TBC1D4: variants seen among roughly 807,000 people sequenced by gnomAD.
The protein encoded by TBC1D4 is TBC (Tre-2, BUB2, CDC16) domain-containing protein.
TBC1D4 carries 121 observed loss-of-function variants against 142.5 expected under a neutral mutation model. The ratio of observed to expected loss-of-function variants is 0.85; its 90% CI spans 0.73 to 0.99. The LOEUF is 0.99. TBC1D4 is among the 50% of genes least tolerant of loss of function. TBC1D4 has a pLI of 0.00. For synonymous variants in TBC1D4, 630 were observed against 628.2 expected (o/e 1.00, Z -0.04); for missense variants, 1,475 against 1,606.6 (o/e 0.92, Z 1.40).
chr13:75,386,411 T>C (rs969814385), intron 1 of TBC1D4, among the ~76,000 whole-genome samples: 18 of 149,888 alleles, frequency 1.2e-4, no homozygotes, highest in Non-Finnish European at 2.2e-4. Flanking sequence ...TTTTTTCAGA[T>C]GGAGTCTCAC....
chr13:75,395,307 A>T lies in TBC1D4; in HGVS notation c.499-32700T>A, dbSNP rs1185853090. On this transcript the variant is annotated intron_variant, in intron 1 of 20. Transcript: ENST00000377636. ...GTGCCTCTTTCTGGTATATCTAAAC[A>T]GGAACAAACATGTACAAGACTCAGT... is the stretch of plus-strand genomic sequence containing the variant. Among the ~76,000 whole-genome samples the T allele has an allele frequency of 2.0e-5, 3 of 152,220 alleles. No individual in the cohort carries two copies. In the East Asian group the frequency reaches 5.8e-4, roughly 29 times the overall value.
chr13:75,334,460 TTG>T (rs1880027135), intron 8 of TBC1D4, among the ~76,000 whole-genome samples: 10 of 130,560 alleles, frequency 7.7e-5, no homozygotes, highest in Non-Finnish European at 1.8e-4. Context: ...TTCTATATGA[TTG>T]TATATATAAT....
chr13:75,409,651 A>C (rs1885508681), intron 1 of TBC1D4, among the ~76,000 whole-genome samples: 1 of 152,246 alleles, frequency 6.6e-6, no homozygotes, highest in Admixed American at 6.5e-5. Context: ...AAATACACGG[A>C]ATCTTAAATA....
At chr13:75,381,657 C>T (rs1883853307) in intron 1 of TBC1D4, among the ~76,000 whole-genome samples, 1 of 152,190 alleles carries the variant, frequency 6.6e-6, no homozygotes, top group East Asian at 1.9e-4. Context: ...CTGTGCCATC[C>T]ACAAACTACT....
intron 14 of TBC1D4, among the ~76,000 whole-genome samples, chr13:75,307,251 T>C (rs929757350): frequency 1.3e-5 from 2 of 152,192 alleles, no homozygotes; most frequent in Non-Finnish European, 2.9e-5. Context: ...TGTGAGCCAC[T>C]GCACCCAGCC....
In TBC1D4 at chr13:75,292,078, A is replaced by T; in HGVS notation, c.3486+24T>A. 1.9e-6 allele frequency: 3 copies of T among 1,583,540 alleles called. No homozygotes were observed. The African/African-American group carries it at 4.0e-5, about 21-fold the overall frequency. On this transcript the variant is annotated intron_variant, in intron 19 of 20. Coordinates refer to ENST00000377636, the MANE Select transcript of TBC1D4 (RefSeq NM_014832.5). ...ATTCAGTAGAGAAAACTGCTATATAATACTATTAGCATTTAAATCATACCT... is the reference window on the plus strand; with the variant it reads ...ATTCAGTAGAGAAAACTGCTATATATTACTATTAGCATTTAAATCATACCT...
chr13:75,481,775 G>A lies in TBC1D4; in HGVS notation c.-8C>T. 1.9e-6 allele frequency: 3 copies of A among 1,551,330 alleles called. No homozygotes were observed. Among genetic ancestry groups the A allele is most frequent in the East Asian group, 2.4e-5 (1 of 41,538 alleles). ...GCAGCTGGGCGGCTCCATAACTCTCGCCTCACCAGGGCACCGCGGAGGCCG... is the reference window on the plus strand; with the variant it reads ...GCAGCTGGGCGGCTCCATAACTCTCACCTCACCAGGGCACCGCGGAGGCCG... On this transcript the variant is annotated 5_prime_UTR_variant, in exon 1 of 21. Coordinates refer to ENST00000377636, the MANE Select transcript of TBC1D4 (RefSeq NM_014832.5).
At chr13:75,354,291 G>A (rs1881856881) in intron 4 of TBC1D4, among the ~76,000 whole-genome samples, 1 of 152,164 alleles carries the variant, frequency 6.6e-6, no homozygotes, top group East Asian at 1.9e-4. Context: ...AGGAAATTTT[G>A]TGAGAAATAA....
intron 1 of TBC1D4, among the ~76,000 whole-genome samples, chr13:75,432,939 CAA>C (rs34647915): frequency 8.5e-4 from 85 of 99,614 alleles, no homozygotes; most frequent in African/African-American, 2.1e-3. Flanking sequence ...GAGACTGACT[CAA>C]AAAAAAAAAA....
chr13:75,446,534 A>C lies in TBC1D4; in HGVS notation c.498+34736T>G, dbSNP rs76398409. On this transcript the variant is annotated intron_variant, in intron 1 of 20. Coordinates refer to ENST00000377636, the MANE Select transcript of TBC1D4 (RefSeq NM_014832.5). ...CATGTGTTAACGTAGTTTTTATTCA[A>C]CATTAGGTTTGACACTTAAGCTTTC... Among the ~76,000 whole-genome samples, 322 of 152,360 alleles carry C rather than the reference A, an allele frequency of 2.1e-3. 1 individual carries two copies. The highest frequency in any genetic ancestry group is 7.5e-3 in the African/African-American group (312 of 41,594).
At chr13:75,410,048 T>C (rs2138392104) in intron 1 of TBC1D4, among the ~76,000 whole-genome samples, 1 of 152,370 alleles carries the variant, frequency 6.6e-6, no homozygotes, top group East Asian at 1.9e-4. Flanking sequence ...AAAACTCAGT[T>C]GCCTGCCTTG....
Position 75,362,458 on chromosome 13 carries a change from C to G in TBC1D4, c.648G>C (p.Lys216Asn). The change falls in exon 2 of 21, where the codon AAG (lysine) becomes AAC (asparagine). Residue 216 changes from lysine to asparagine, a missense_variant. This residue lies in a region of TBC1D4 where 1,227 missense variants were observed against 1,267.7 expected (regional missense o/e 0.97). Coordinates refer to ENST00000377636, the MANE Select transcript of TBC1D4 (RefSeq NM_014832.5). The surrounding 1 kb of genome is among the most constrained non-coding windows in gnomAD (Gnocchi z 4.2). Reference sequence around the variant, plus strand: ...AGTCATCGATGAGGCTTGAGGGGGCCTTCTTGTGGGTCACGGTCACCTTTC... The same window carrying G: ...AGTCATCGATGAGGCTTGAGGGGGCGTTCTTGTGGGTCACGGTCACCTTTC... The part of the protein sequence containing the change: ...YCGKVTVTHK[K>N]APSSLIDDCM... 2.5e-6 allele frequency: 4 copies of G among 1,614,208 alleles called. No homozygotes were observed. In the South Asian group the frequency reaches 4.4e-5, roughly 18 times the overall value.
chr13:75,407,801 C>T (rs1885412279), intron 1 of TBC1D4, among the ~76,000 whole-genome samples: 1 of 151,794 alleles, frequency 6.6e-6, no homozygotes, highest in Non-Finnish European at 1.5e-5. Flanking sequence ...GAAACTGACA[C>T]TCCAGGACTC....
In TBC1D4 at chr13:75,327,416, G is replaced by A. The variant is rs113672269; in HGVS notation, c.1806+336C>T. ...AAAAAATGAGGGGGGAAAATAACACGGGAAGGGAACAAATAAAATCACTGT... is the reference window on the plus strand; with the variant it reads ...AAAAAATGAGGGGGGAAAATAACACAGGAAGGGAACAAATAAAATCACTGT... On this transcript the variant is annotated intron_variant, in intron 9 of 20. Transcript: ENST00000377636. 5.5e-3 allele frequency among the ~76,000 whole-genome samples: 835 copies of A among 151,982 alleles called. 6 individuals carry two copies. The highest frequency in any genetic ancestry group is 0.019 in the African/African-American group (794 of 41,460).
intron 3 of TBC1D4, among the ~76,000 whole-genome samples, chr13:75,357,062 A>G (rs1193472973): frequency 1.3e-5 from 2 of 152,326 alleles, no homozygotes; most frequent in Admixed American, 1.3e-4. Flanking sequence ...CATTCAACTA[A>G]TTGTGAGATA....
chr13:75,411,469 T>C (rs1461118122), intron 1 of TBC1D4, among the ~76,000 whole-genome samples: 1 of 152,160 alleles, frequency 6.6e-6, no homozygotes, highest in Non-Finnish European at 1.5e-5. Flanking sequence ...CTGAAATGGT[T>C]CTATGAAGCT....
chr13:75,357,614 G>A (rs1882154776), intron 3 of TBC1D4, among the ~76,000 whole-genome samples: 1 of 152,206 alleles, frequency 6.6e-6, no homozygotes, highest in African/African-American at 2.4e-5. Context: ...TGAGGCAATG[G>A]CAATGTTTCC....
chr13:75,447,876 C>T (rs912245331), intron 1 of TBC1D4, among the ~76,000 whole-genome samples: 5 of 152,056 alleles, frequency 3.3e-5, no homozygotes, highest in Non-Finnish European at 5.9e-5. Context: ...CACTGTCTCC[C>T]ATCATGCCTA....
chr13:75,395,829 C>CA (rs1292692897), intron 1 of TBC1D4, among the ~76,000 whole-genome samples: 3 of 151,950 alleles, frequency 2.0e-5, no homozygotes, highest in Non-Finnish European at 4.4e-5. Flanking sequence ...GACTCCATCT[C>CA]AAAAAAATAA....
Sources: allele counts gnomAD v4.1 joint callset (sites outside exome capture counted in the v4.1 genomes callset), GRCh38; gene constraint gnomAD v4.1.1; regional missense constraint gnomAD v4.1.1; non-coding constraint Gnocchi (gnomAD v3.1); transcripts MANE v1.5; gene names NCBI Gene and HGNC (gene_info 2026-07-23, HGNC 2026-07-21).